The following CLEC16A variants were observed in gnomAD, a reference collection of about 807,000 sequenced individuals.
The protein encoded by CLEC16A is protein CLEC16A.
CLEC16A carries 51 observed loss-of-function variants against 109.5 expected under a neutral mutation model. The observed-to-expected ratio is 0.47, with a 90% CI of 0.37 to 0.59. The LOEUF (loss-of-function observed/expected upper bound fraction) is 0.59, where lower values mean the gene tolerates loss of function less well. CLEC16A is among the 20% of genes least tolerant of loss of function. The probability of loss-of-function intolerance (pLI) is 0.00; values close to 1 mark genes in which losing one functional copy is unlikely to be tolerated. For missense variants in CLEC16A, 1,339 were observed against 1,394.0 expected (o/e 0.96, Z 0.63); for synonymous variants, 673 against 564.2 (o/e 1.19, Z -2.73).
intron 9 of CLEC16A, among the ~76,000 whole-genome samples, chr16:10,982,125 AT>A (rs1353601810): frequency 6.6e-6 from 1 of 152,228 alleles, no homozygotes; most frequent in Non-Finnish European, 1.5e-5. Flanking sequence ...TTGCCTTTAC[AT>A]TTTAAAACAA....
At chr16:10,963,220 C>T (rs1293467517) in intron 3 of CLEC16A, among the ~76,000 whole-genome samples, 1 of 152,180 alleles carries the variant, frequency 6.6e-6, no homozygotes, top group African/African-American at 2.4e-5. Flanking sequence ...GTGTCTCTTC[C>T]TCCTTCTATG....
chr16:11,079,849 C>G (rs910993157), intron 19 of CLEC16A, among the ~76,000 whole-genome samples: 1 of 152,182 alleles, frequency 6.6e-6, no homozygotes, highest in African/African-American at 2.4e-5. Flanking sequence ...CTGCTGGGCC[C>G]CCTTCCCTTT....
intron 19 of CLEC16A, among the ~76,000 whole-genome samples, chr16:11,067,702 C>T (rs567538495): frequency 6.9e-4 from 105 of 152,272 alleles, no homozygotes; most frequent in African/African-American, 2.5e-3. Flanking sequence ...ATTTATGGGT[C>T]AGGGCAGCAT....
chr16:11,034,135 A>G (rs2046895187), intron 13 of CLEC16A, among the ~76,000 whole-genome samples: 3 of 152,238 alleles, frequency 2.0e-5, no homozygotes, highest in Non-Finnish European at 1.5e-5. Context: ...GTAATAGGCT[A>G]AAGGGAAGCT....
chr16:10,950,365 C>T (rs2041663022), intron 1 of CLEC16A, among the ~76,000 whole-genome samples: 1 of 152,218 alleles, frequency 6.6e-6, no homozygotes, highest in South Asian at 2.1e-4. Context: ...AGGCAGACCT[C>T]TGTTTTCAGA....
chr16:11,037,163 C>G (rs2047068787), intron 13 of CLEC16A, among the ~76,000 whole-genome samples: 1 of 152,198 alleles, frequency 6.6e-6, no homozygotes, highest in African/African-American at 2.4e-5. Flanking sequence ...CAGCTGTCCC[C>G]CTAAGAGAGG....
intron 19 of CLEC16A, among the ~76,000 whole-genome samples, chr16:11,092,873 C>A (rs1472117176): frequency 6.6e-6 from 1 of 152,200 alleles, no homozygotes; most frequent in Non-Finnish European, 1.5e-5. Context: ...GCGTTTGATC[C>A]ATAATAGAAT....
intron 4 of CLEC16A, among the ~76,000 whole-genome samples, chr16:10,970,824 G>T (rs2042745532): frequency 6.6e-6 from 1 of 152,170 alleles, no homozygotes; most frequent in South Asian, 2.1e-4. Flanking sequence ...ACATCTCACT[G>T]CAGCCTCCAA....
chr16:11,180,638 C>T lies in CLEC16A; in HGVS notation c.*1948C>T, dbSNP rs1449363141. ...TGGCCCTGGCTGGAGATGGCTAGCC[C>T]CTGAGACATGCACTTCTGGTTTTGA... On this transcript the variant is annotated 3_prime_UTR_variant, in exon 24 of 24. Coordinates refer to ENST00000409790, the MANE Select transcript of CLEC16A (RefSeq NM_015226.3). 6.6e-6 allele frequency: 1 copy of T among 152,268 alleles called. No homozygotes were observed. Among genetic ancestry groups the T allele is most frequent in the Non-Finnish European group, 1.5e-5 (1 of 68,106 alleles). The allele number at this position is 152,268 out of a possible 1,614,324, so 9.4% of individuals were successfully genotyped here.
rs2068864457 is a variant in CLEC16A at position 11,178,704 on chromosome 16, C to T, written c.*14C>T. The T allele has an allele frequency of 6.2e-6, 9 of 1,458,228 alleles. No homozygotes were observed. Among genetic ancestry groups the T allele is most frequent in the Non-Finnish European group, 7.2e-6 (8 of 1,105,602 alleles). The allele number at this position is 1,458,228 out of a possible 1,614,324, so 90.3% of individuals were successfully genotyped here. On this transcript the variant is annotated 3_prime_UTR_variant, in exon 24 of 24. Coordinates refer to ENST00000409790, the MANE Select transcript of CLEC16A (RefSeq NM_015226.3). This position sits in a 1 kb window ranked among gnomAD's most constrained non-coding sequence, Gnocchi z 6.5. ...GCTGAGGACTGAGTCAGTGCCGGGGCCTCCCTTTGTGTGTGTGGCCCCGCT... is the reference window on the plus strand; with the variant it reads ...GCTGAGGACTGAGTCAGTGCCGGGGTCTCCCTTTGTGTGTGTGGCCCCGCT...
chr16:10,979,443 C>T (rs2043200306), intron 9 of CLEC16A, 61 bp downstream of exon 9: 5 of 1,481,912 alleles, frequency 3.4e-6, no homozygotes, highest in Non-Finnish European at 3.7e-6. Flanking sequence ...GTGCCACTGC[C>T]TTGAAGAAAA....
Position 11,178,338 on chromosome 16 carries a change from C to T in CLEC16A, c.2810C>T (p.Ala937Val), listed in dbSNP as rs191658415. Residue 937 changes from alanine (A) to valine (V), a missense_variant, in exon 24 of 24, where the codon GCC becomes GTC. Coordinates refer to ENST00000409790, the MANE Select transcript of CLEC16A (RefSeq NM_015226.3). This position sits in a 1 kb window ranked among gnomAD's most constrained non-coding sequence, Gnocchi z 6.5. The part of the protein sequence containing the change: ...TPSTAQSPAD[A>V]PMSPELPKPH... ...CGGTTTTTCTCCCCCAATCCAGATG[C>T]CCCCATGAGTCCAGAACTGCCTAAG... 1.2e-6 allele frequency: 2 copies of T among 1,602,694 alleles called. No homozygotes were observed. The highest frequency in any genetic ancestry group is 2.2e-5 in the East Asian group (1 of 44,596).
intron 19 of CLEC16A, among the ~76,000 whole-genome samples, chr16:11,063,637 G>A (rs532265528): frequency 6.6e-6 from 1 of 152,266 alleles, no homozygotes; most frequent in East Asian, 1.9e-4. Context: ...AGAAACAACA[G>A]CGTAAAGGAT....
At chr16:11,028,761 C>T (rs573572524) in intron 13 of CLEC16A, among the ~76,000 whole-genome samples, 1 of 152,258 alleles carries the variant, frequency 6.6e-6, no homozygotes, top group East Asian at 1.9e-4. Flanking sequence ...AAAAATATCC[C>T]TCAGGCTATT....
intron 18 of CLEC16A, chr16:11,057,173 T>A (rs1483584102): frequency 6.5e-6 from 1 of 154,898 alleles, no homozygotes; most frequent in Non-Finnish European, 1.5e-5. Context: ...TCCCGATGGG[T>A]TGTGCCCACA....
chr16:11,060,660 C>T (rs1474062765), intron 18 of CLEC16A, among the ~76,000 whole-genome samples: 1 of 152,018 alleles, frequency 6.6e-6, no homozygotes, highest in Non-Finnish European at 1.5e-5. Context: ...GTGCTCAGTT[C>T]AGGTAAAGTA....
intron 21 of CLEC16A, 68 bp downstream of exon 21, chr16:11,124,014 A>T (rs755929652): frequency 7.7e-6 from 11 of 1,422,984 alleles, no homozygotes; most frequent in Non-Finnish European, 1.1e-5. Flanking sequence ...TGTAGTTCTC[A>T]CACTGACCTT....
chr16:11,040,032 CAGCCCT>C (rs2047236008), intron 14 of CLEC16A, 156 bp downstream of exon 14: 2 of 885,716 alleles, frequency 2.3e-6, no homozygotes, highest in East Asian at 5.7e-5. Context: ...CATCCTGGGC[CAGCCCT>C]CCTGCCTGCT....
intron 10 of CLEC16A, among the ~76,000 whole-genome samples, chr16:10,983,418 G>A (rs928205385): frequency 2.0e-5 from 3 of 152,250 alleles, no homozygotes; most frequent in African/African-American, 4.8e-5. Flanking sequence ...TTGGCGAGCA[G>A]CTCCTGTTCT....
Sources: allele counts gnomAD v4.1 joint callset (sites outside exome capture counted in the v4.1 genomes callset), GRCh38; gene constraint gnomAD v4.1.1; non-coding constraint Gnocchi (gnomAD v3.1); transcripts MANE v1.5; gene names NCBI Gene and HGNC (gene_info 2026-07-23, HGNC 2026-07-21).